The following UPK1B variants were observed in gnomAD, a reference collection of about 807,000 sequenced individuals.
UPK1B encodes the protein uroplakin 1B, also known as uroplakin-1b.
UPK1B carries 28 observed loss-of-function variants against 34.2 expected under a neutral mutation model. The ratio of observed to expected loss-of-function variants is 0.82; its 90% CI spans 0.61 to 1.12. UPK1B has a LOEUF of 1.12. UPK1B is among the 50% of genes most tolerant of loss of function. The pLI is 0.00. For missense variants in UPK1B, 325 were observed against 320.9 expected, an observed-to-expected ratio of 1.01 and a Z score of -0.10; for synonymous variants, 81 against 110.4, an observed-to-expected ratio of 0.73 and a Z score of 1.67.
At chr3:119,184,475 T>C (rs921761791) in intron 1 of UPK1B, among the ~76,000 whole-genome samples, 1 of 151,900 alleles carries the variant, frequency 6.6e-6, no homozygotes, top group African/African-American at 2.4e-5. Flanking sequence ...ATCCCAGCAC[T>C]TTAGGAGGCC....
chr3:119,194,473 G>A lies in UPK1B; in HGVS notation c.648+75G>A, dbSNP rs987534450. 1.7e-5 allele frequency: 23 copies of A among 1,346,880 alleles called. No homozygotes were observed. In the Admixed American group the frequency reaches 5.1e-4, roughly 30 times the overall value. The allele number at this position is 1,346,880 out of a possible 1,614,324, so 83.4% of individuals were successfully genotyped here. A position where few individuals can be genotyped will look rare whatever the true frequency, so the allele number is the denominator to read the frequency against. ...ATGAGAAAAATATTGGTCAACTGTA[G>A]GAAATAGTCTTTCAGTAAGGAATTC... On this transcript the variant is annotated intron_variant, in intron 6 of 7. Transcript: ENST00000264234.
intron 1 of UPK1B, among the ~76,000 whole-genome samples, chr3:119,183,603 C>G (rs1209740943): frequency 6.6e-6 from 1 of 152,062 alleles, no homozygotes; most frequent in Non-Finnish European, 1.5e-5. Context: ...CAGCTTCTCC[C>G]CCTAGATCCT....
At chr3:119,186,958 T>C in intron 2 of UPK1B, 148 bp downstream of exon 2, 2 of 755,088 alleles carry the variant, frequency 2.6e-6, no homozygotes, top group Non-Finnish European at 4.3e-6. Flanking sequence ...TTAGTAAATA[T>C]GCTAGCTAGA....
At chr3:119,183,544 G>A (rs1028118736) in intron 1 of UPK1B, among the ~76,000 whole-genome samples, 1 of 152,044 alleles carries the variant, frequency 6.6e-6, no homozygotes, top group East Asian at 1.9e-4. Flanking sequence ...TTACAGGCGT[G>A]AACCACCATG....
intron 1 of UPK1B, among the ~76,000 whole-genome samples, chr3:119,179,572 T>G: frequency 7.8e-6 from 1 of 128,462 alleles, no homozygotes; most frequent in East Asian, 2.6e-4. Flanking sequence ...TTCAGTGGCC[T>G]GATCTTGGCT....
Position 119,204,395 on chromosome 3 carries a change from G to C in UPK1B, c.*428G>C. 6.1e-6 allele frequency: 1 copy of C among 164,400 alleles called. No individual in the cohort carries two copies. Among genetic ancestry groups the C allele is most frequent in the Non-Finnish European group, 1.3e-5 (1 of 75,660 alleles). The allele number at this position is 164,400 out of a possible 1,614,324, so 10.2% of individuals were successfully genotyped here. A position where few individuals can be genotyped will look rare whatever the true frequency, so the allele number is the denominator to read the frequency against. On this transcript the variant is annotated 3_prime_UTR_variant, in exon 8 of 8. Transcript: ENST00000264234. ...ATCTCAGTATTGTCAGGGGAACAGA[G>C]AAGTTGGGAAAAGATTACTGAAATA...
At chr3:119,177,138 C>T (rs1376421750) in intron 1 of UPK1B, among the ~76,000 whole-genome samples, 2 of 152,154 alleles carry the variant, frequency 1.3e-5, no homozygotes, top group Admixed American at 1.3e-4. Context: ...AGGAGTGAGT[C>T]TCAAATTGTG....
chr3:119,197,067 C>T (rs1243220116), intron 6 of UPK1B, among the ~76,000 whole-genome samples: 1 of 152,072 alleles, frequency 6.6e-6, no homozygotes, highest in African/African-American at 2.4e-5. Context: ...TTTTTGACAA[C>T]CATATTGTAG....
At chr3:119,179,372 T>TATAG (rs2077975489) in intron 1 of UPK1B, among the ~76,000 whole-genome samples, 3 of 89,970 alleles carry the variant, frequency 3.3e-5, no homozygotes, top group African/African-American at 1.4e-4. Flanking sequence ...TATATATATA[T>TATAG]ATATATATAT....
intron 1 of UPK1B, among the ~76,000 whole-genome samples, chr3:119,177,417 AT>A (rs2077962001): frequency 3.9e-5 from 6 of 152,356 alleles, no homozygotes; most frequent in Middle Eastern, 6.8e-3. Context: ...CTGGACTTGA[AT>A]CTTAACTCTT....
At chr3:119,200,901 C>T (rs2078087842) in intron 7 of UPK1B, among the ~76,000 whole-genome samples, 1 of 152,172 alleles carries the variant, frequency 6.6e-6, no homozygotes. Context: ...TTACACTATG[C>T]AACAGACTGT....
chr3:119,179,156 C>T (rs1294936243), intron 1 of UPK1B, among the ~76,000 whole-genome samples: 1 of 151,430 alleles, frequency 6.6e-6, no homozygotes, highest in African/African-American at 2.4e-5. Context: ...GATGAAACCC[C>T]TTCTCTACAA....
intron 1 of UPK1B, among the ~76,000 whole-genome samples, chr3:119,174,395 TTA>T (rs2077942903): frequency 6.6e-6 from 1 of 152,212 alleles, no homozygotes; most frequent in African/African-American, 2.4e-5. Context: ...TAGTATTATT[TTA>T]TGTTTGCATT....
intron 7 of UPK1B, among the ~76,000 whole-genome samples, chr3:119,203,340 CAAAAAAAAA>C (rs55752613): frequency 6.5e-5 from 4 of 62,014 alleles, no homozygotes; most frequent in African/African-American, 6.7e-5. Context: ...AACTCCGTCT[CAAAAAAAAA>C]AAAAAAAAAA....
At position 119,204,831 on chromosome 3, in the gene UPK1B, A is replaced by C. The variant is rs2078112526; in HGVS notation, c.*864A>C. On this transcript the variant is annotated 3_prime_UTR_variant, in exon 8 of 8. Coordinates refer to ENST00000264234, the MANE Select transcript of UPK1B (RefSeq NM_006952.4). The stretch of plus-strand genomic sequence containing the variant: ...AGAGGTTGCAGTGAGCTGAGATCGT[A>C]CCTATTGCACTCCATCCTGGATGAA... The C allele has an allele frequency of 6.6e-6, 1 of 152,222 alleles. No individual in the cohort carries two copies. Among genetic ancestry groups the C allele is most frequent in the Non-Finnish European group, 1.5e-5 (1 of 68,086 alleles). 9.4% of individuals were successfully genotyped at this position (152,222 alleles called of 1,614,324 possible).
chr3:119,183,024 G>T (rs1469310634), intron 1 of UPK1B, among the ~76,000 whole-genome samples: 1 of 152,170 alleles, frequency 6.6e-6, no homozygotes, highest in Non-Finnish European at 1.5e-5. Flanking sequence ...TGTAAGTGAA[G>T]AAAAGCCTAG....
At chr3:119,183,451 G>A (rs367555114) in intron 1 of UPK1B, among the ~76,000 whole-genome samples, 4 of 151,968 alleles carry the variant, frequency 2.6e-5, no homozygotes, top group East Asian at 1.9e-4. Context: ...TAGTAGAGAC[G>A]GGGTTTTGCC....
chr3:119,196,551 T>TC (rs2078068502), intron 6 of UPK1B, among the ~76,000 whole-genome samples: 1 of 146,696 alleles, frequency 6.8e-6, no homozygotes, highest in African/African-American at 2.6e-5. Context: ...TTTTTTTTTT[T>TC]TTTGAGATGG....
Position 119,191,067 on chromosome 3 carries a change from A to G in UPK1B, c.431A>G (p.Asn144Ser), listed in dbSNP as rs2078042006. 3.1e-6 allele frequency: 5 copies of G among 1,613,932 alleles called. No homozygotes were observed. The highest frequency in any genetic ancestry group is 2.2e-5 in the East Asian group (1 of 44,890). Residue 144 changes from asparagine to serine, a missense_variant, in exon 5 of 8, where the codon AAT becomes AGT. Coordinates refer to ENST00000264234, the MANE Select transcript of UPK1B (RefSeq NM_006952.4). ...AACAATGATGACCAGTGGAAAAACA[A>G]TGGAGTCACCAAAACCTGGGACAGG... The part of the protein sequence containing the change: ...PPNNDDQWKN[N>S]GVTKTWDRLM...
Sources: gnomAD v4.1 joint callset for allele counts (sites outside exome capture counted in the v4.1 genomes callset) on GRCh38, gnomAD v4.1.1 for gene constraint, MANE v1.5 for transcripts, NCBI Gene and HGNC (gene_info 2026-07-23, HGNC 2026-07-21) for gene names.